The following CDKN2C variants were observed in gnomAD, a reference collection of about 807,000 sequenced individuals.
CDKN2C encodes cyclin dependent kinase inhibitor 2C.
In CDKN2C, 5 loss-of-function variants were observed where a neutral mutation model predicts 11.0. That is an observed-to-expected ratio of 0.45 (90% CI 0.24 to 0.95). The LOEUF is 0.95. Among genes scored for constraint, CDKN2C ranks in the 40% least tolerant of loss-of-function variants. CDKN2C has a pLI of 0.21. For synonymous variants in CDKN2C, 79 were observed against 88.3 expected (o/e 0.89, Z 0.59); for missense variants, 161 against 211.9 (o/e 0.76, Z 1.49).
intron 1 of CDKN2C, among the ~76,000 whole-genome samples, chr1:50,961,866 T>C (rs1004886642): frequency 6.6e-6 from 1 of 152,252 alleles, no homozygotes; most frequent in Non-Finnish European, 1.5e-5. Flanking sequence ...TGGGAATATA[T>C]TCATGAGAAA....
chr1:50,967,834 C>A (rs529456219), upstream of CDKN2C: 3 of 152,212 alleles, frequency 2.0e-5, no homozygotes, highest in Non-Finnish European at 2.9e-5. Flanking sequence ...AGTGAGAGAA[C>A]TTCGGCAACC....
Position 50,973,969 on chromosome 1 carries a change from C to T in CDKN2C, c.206C>T (p.Thr69Ile), listed in dbSNP as rs1053422693. The change falls in exon 2 of 2, where the codon ACT becomes ATT. Residue 69 changes from threonine to isoleucine, a missense_variant. Physicochemically the swap from Thr to Ile is moderately conservative, Grantham distance 89 (BLOSUM62 -1). Transcript: ENST00000371761. ...RGANPDLKDR[T>I]GFAVIHDAAR... is the part of the protein sequence containing the mutation. ...GCTAATCCCGATTTGAAAGACCGAACTGGTTTCGCTGTCATTCATGATGCG... is the reference window on the plus strand; with the variant it reads ...GCTAATCCCGATTTGAAAGACCGAATTGGTTTCGCTGTCATTCATGATGCG... 6.2e-7 allele frequency: 1 copy of T among 1,614,232 alleles called. No individual in the cohort carries two copies. The highest frequency in any genetic ancestry group is 8.5e-7 in the Non-Finnish European group (1 of 1,180,044).
At chr1:50,970,701 C>T (rs1170927858) in intron 1 of CDKN2C, among the ~76,000 whole-genome samples, 1 of 152,120 alleles carries the variant, frequency 6.6e-6, no homozygotes, top group African/African-American at 2.4e-5. Flanking sequence ...CAATAACATC[C>T]TTGATATCAA....
intron 1 of CDKN2C, among the ~76,000 whole-genome samples, chr1:50,973,453 T>C (rs1375608494): frequency 2.0e-5 from 3 of 152,168 alleles, no homozygotes; most frequent in Non-Finnish European, 4.4e-5. Context: ...CCACATATGA[T>C]TTTCTAGAAT....
chr1:50,970,330 G>C lies in CDKN2C; in HGVS notation c.-39G>C, dbSNP rs773773715. On this transcript the variant is annotated 5_prime_UTR_variant, in exon 1 of 2. Coordinates refer to ENST00000371761, the MANE Select transcript of CDKN2C (RefSeq NM_078626.3). ...CAAAGGAAAGGGGAAAAAGAAAAAC[G>C]ACTAATTCATCTTTTCCTGATCGTC... The C allele has an allele frequency of 1.2e-6, 2 of 1,612,702 alleles. No homozygotes were observed. The highest frequency in any genetic ancestry group is 1.7e-6 in the Non-Finnish European group (2 of 1,179,834).
chr1:50,971,445 G>C (rs1388162663), intron 1 of CDKN2C, among the ~76,000 whole-genome samples: 1 of 152,170 alleles, frequency 6.6e-6, no homozygotes, highest in African/African-American at 2.4e-5. Context: ...AGTGCCAAGA[G>C]ATATACTATT....
intron 1 of CDKN2C, among the ~76,000 whole-genome samples, chr1:50,964,110 AC>A (rs994722606): frequency 2.3e-4 from 35 of 152,306 alleles, no homozygotes; most frequent in African/African-American, 7.7e-4. Context: ...ATCTTATTTA[AC>A]ATGGTACATC....
At chr1:50,973,754 C>A in intron 1 of CDKN2C, 139 bp from the exon 2 acceptor site, 2 of 1,034,012 alleles carry the variant, frequency 1.9e-6, no homozygotes, top group Non-Finnish European at 1.5e-6. Flanking sequence ...TTGACCCCTT[C>A]AAGCCCCATC....
In CDKN2C at chr1:50,973,856, C is replaced by G. The variant is rs771810461; in HGVS notation, c.130-37C>G. Reference sequence around the variant, plus strand: ...TTTTAAAATATCTCTGTAGCATATGCACTTGAAGGATTCTACCATTTCTAC... The same window carrying G: ...TTTTAAAATATCTCTGTAGCATATGGACTTGAAGGATTCTACCATTTCTAC... On this transcript the variant is annotated intron_variant, in intron 1 of 1. Coordinates refer to ENST00000371761, the MANE Select transcript of CDKN2C (RefSeq NM_078626.3). 1.2e-6 allele frequency: 2 copies of G among 1,609,428 alleles called. 1 individual carries two copies. Among genetic ancestry groups the G allele is most frequent in the African/African-American group, 2.7e-5 (2 of 74,812 alleles).
chr1:50,964,861 C>G (rs940163405), intron 1 of CDKN2C, among the ~76,000 whole-genome samples: 8 of 152,060 alleles, frequency 5.3e-5, no homozygotes, highest in African/African-American at 1.9e-4. Flanking sequence ...CGAGACCAGC[C>G]TGACCAACAT....
intron 1 of CDKN2C, among the ~76,000 whole-genome samples, chr1:50,962,126 A>C (rs569036667): frequency 1.3e-5 from 2 of 152,378 alleles, no homozygotes; most frequent in East Asian, 1.9e-4. Context: ...TATGCCTATA[A>C]TCCCAACACT....
upstream of CDKN2C, among the ~76,000 whole-genome samples, chr1:50,966,996 A>G (rs1645350044): frequency 6.6e-6 from 1 of 152,234 alleles, no homozygotes; most frequent in Admixed American, 6.5e-5. Flanking sequence ...TTGTTCAGCA[A>G]TAAGCATTTT....
upstream of CDKN2C, among the ~76,000 whole-genome samples, chr1:50,966,429 A>G (rs1183166627): frequency 1.3e-5 from 2 of 152,214 alleles, no homozygotes; most frequent in African/African-American, 2.4e-5. Flanking sequence ...TATAAAGGCT[A>G]TATTTCAGTA....
chr1:50,973,102 C>CT (rs1249219813), intron 1 of CDKN2C, among the ~76,000 whole-genome samples: 2 of 152,100 alleles, frequency 1.3e-5, no homozygotes, highest in African/African-American at 4.8e-5. Flanking sequence ...ATATCAGGAA[C>CT]TTAGTTTTAT....
intron 1 of CDKN2C, among the ~76,000 whole-genome samples, chr1:50,973,274 G>A (rs1199695455): frequency 6.6e-6 from 1 of 152,096 alleles, no homozygotes; most frequent in Non-Finnish European, 1.5e-5. Flanking sequence ...GAAATGCTTG[G>A]AAATTTGGAG....
intron 1 of CDKN2C, 81 bp downstream of exon 1, chr1:50,970,578 C>T (rs2147956667): frequency 6.7e-7 from 1 of 1,496,796 alleles, no homozygotes; most frequent in African/African-American, 1.4e-5. Flanking sequence ...AGCTTTTAAG[C>T]TTTCAGGGAC....
intron 1 of CDKN2C, among the ~76,000 whole-genome samples, chr1:50,964,482 C>T (rs992308109): frequency 6.6e-6 from 1 of 152,094 alleles, no homozygotes; most frequent in Non-Finnish European, 1.5e-5. Flanking sequence ...TTAAGATAAC[C>T]AATTTCTTAA....
upstream of CDKN2C, chr1:50,970,089 G>A: frequency 3.9e-6 from 2 of 510,024 alleles, no homozygotes; most frequent in Non-Finnish European, 7.1e-6. Flanking sequence ...GTGTCTCTCT[G>A]TGGAGTCGTC....
chr1:50,974,429 T>C lies in CDKN2C; in HGVS notation c.*159T>C, dbSNP rs999043608. On this transcript the variant is annotated 3_prime_UTR_variant, in exon 2 of 2. Transcript: ENST00000371761. ...GAAAATCTTACAACAGGCTTATGAA[T>C]ATATTTAAGCAACATCTTTTTAACC... is the stretch of plus-strand genomic sequence containing the variant. 1.1e-5 allele frequency: 7 copies of C among 638,196 alleles called. No homozygotes were observed. Among genetic ancestry groups the C allele is most frequent in the Non-Finnish European group, 1.7e-5 (7 of 406,746 alleles). The allele number at this position is 638,196 out of a possible 1,614,324, so 39.5% of individuals were successfully genotyped here.
Sources: gnomAD v4.1 joint callset for allele counts (sites outside exome capture counted in the v4.1 genomes callset) on GRCh38, gnomAD v4.1.1 for gene constraint, MANE v1.5 for transcripts, NCBI Gene and HGNC (gene_info 2026-07-23, HGNC 2026-07-21) for gene names.